The following NDE1 variants were observed in gnomAD, a reference collection of about 807,000 sequenced individuals.
The protein encoded by NDE1 is nuclear distribution protein nudE homolog 1.
NDE1 carries 28 observed loss-of-function variants against 43.4 expected under a neutral mutation model. That is an observed-to-expected ratio of 0.65 (90% CI 0.48 to 0.89). The LOEUF is 0.89. Ranked by LOEUF, NDE1 falls within the 40% of genes least tolerant of loss-of-function variation. NDE1 has a pLI of 0.00. For synonymous variants in NDE1, 184 were observed against 172.0 expected (o/e 1.07, Z -0.55); for missense variants, 441 against 434.1 (o/e 1.02, Z -0.14).
intron 1 of NDE1, 118 bp from the exon 2 acceptor site, chr16:15,664,618 G>A: frequency 1.5e-6 from 1 of 660,800 alleles, no homozygotes; most frequent in East Asian, 2.6e-5. Flanking sequence ...GCCTCCCAAA[G>A]TGCTGGGATT....
intron 1 of NDE1, among the ~76,000 whole-genome samples, chr16:15,658,445 GC>G (rs1416063805): frequency 6.6e-6 from 1 of 152,164 alleles, no homozygotes; most frequent in East Asian, 1.9e-4. Flanking sequence ...CGTGGGTTAG[GC>G]CCACCCATGA....
chr16:15,721,769 G>A, intron 8 of NDE1: 1 of 856,354 alleles, frequency 1.2e-6, no homozygotes, highest in East Asian at 2.6e-5. Flanking sequence ...TTAGCTATGG[G>A]AGTAATTTAT....
intron 8 of NDE1, chr16:15,718,580 C>T: frequency 2.4e-6 from 3 of 1,272,116 alleles, no homozygotes; most frequent in Non-Finnish European, 3.2e-6. Flanking sequence ...GAAGACTCAT[C>T]TGTAGTTACA....
chr16:15,716,936 T>G (rs112740726), intron 8 of NDE1, among the ~76,000 whole-genome samples: 25 of 152,226 alleles, frequency 1.6e-4, no homozygotes, highest in Non-Finnish European at 7.3e-5. Flanking sequence ...GCTCACACTT[T>G]AGGTGCTTGC....
At chr16:15,700,221 C>A in intron 8 of NDE1, 1 of 580,954 alleles carries the variant, frequency 1.7e-6, no homozygotes, top group Non-Finnish European at 2.2e-6. Flanking sequence ...CTGAGTCTTC[C>A]AGGTAGCTGG....
chr16:15,648,374 T>C (rs1431202211), upstream of NDE1, among the ~76,000 whole-genome samples: 1 of 152,196 alleles, frequency 6.6e-6, no homozygotes, highest in Non-Finnish European at 1.5e-5. Flanking sequence ...GAACATGTTA[T>C]GACAGGATGT....
At chr16:15,687,582 C>T in intron 5 of NDE1, 71 bp downstream of exon 5, 1 of 1,408,826 alleles carries the variant, frequency 7.1e-7, no homozygotes, top group Non-Finnish European at 1.0e-6. Flanking sequence ...GTCCCACAAG[C>T]TCTCCCAGCA....
intron 3 of NDE1, among the ~76,000 whole-genome samples, chr16:15,677,190 G>T (rs1239038533): frequency 6.6e-6 from 1 of 152,052 alleles, no homozygotes; most frequent in African/African-American, 2.4e-5. Context: ...AGAAGGTTCT[G>T]TTGACTGAGC....
At chr16:15,719,137 T>A in intron 8 of NDE1, 1 of 1,416,390 alleles carries the variant, frequency 7.1e-7, no homozygotes, top group East Asian at 2.3e-5. Flanking sequence ...CGAAAAAATT[T>A]AAAAAATAAA....
intron 3 of NDE1, 106 bp downstream of exon 3, chr16:15,667,545 A>C (rs1013885856): frequency 1.2e-5 from 16 of 1,376,386 alleles, no homozygotes; most frequent in Non-Finnish European, 1.6e-5. Flanking sequence ...TCCAGACCCC[A>C]GGCCCATGCT....
intron 4 of NDE1, chr16:15,684,344 G>A (rs11864366): frequency 1.3e-5 from 2 of 152,134 alleles, no homozygotes; most frequent in Admixed American, 1.3e-4. Flanking sequence ...TACAATCCCA[G>A]CACTTTGGGA....
Position 15,724,963 on chromosome 16 carries a change from A to C in NDE1, c.*712A>C. 1 of 1,614,028 alleles carries C rather than the reference A, an allele frequency of 6.2e-7. No individual in the cohort carries two copies. ...TAATGGCCTTCCCCTCGGCCTCGTT[A>C]AGCATCCCTGTGACGCTCTCAACTT... is the stretch of plus-strand genomic sequence containing the variant. On this transcript the variant is annotated 3_prime_UTR_variant, in exon 9 of 9. Coordinates refer to ENST00000396354, the MANE Select transcript of NDE1 (RefSeq NM_017668.3).
intron 4 of NDE1, among the ~76,000 whole-genome samples, chr16:15,682,957 G>A (rs1159854476): frequency 2.0e-5 from 3 of 151,766 alleles, no homozygotes; most frequent in African/African-American, 7.3e-5. Flanking sequence ...CCACCACCTC[G>A]GCCTCCCAAA....
At chr16:15,676,152 C>T (rs960362364) in intron 3 of NDE1, among the ~76,000 whole-genome samples, 4 of 151,196 alleles carry the variant, frequency 2.6e-5, no homozygotes, top group Non-Finnish European at 4.4e-5. Context: ...CTTCCTCTCT[C>T]CTCTCTCTCC....
At chr16:15,662,280 C>CTTTTTTTTTTTTTTTTTT (rs774915905) in intron 1 of NDE1, among the ~76,000 whole-genome samples, 1 of 124,960 alleles carries the variant, frequency 8.0e-6, no homozygotes, top group Non-Finnish European at 1.7e-5. Flanking sequence ...TTTCTCTTTT[C>CTTTTTTTTTTTTTTTTTT]TTTTTTTTTT....
At chr16:15,710,735 G>C (rs1273723004) in intron 8 of NDE1, among the ~76,000 whole-genome samples, 5 of 151,868 alleles carry the variant, frequency 3.3e-5, no homozygotes, top group Non-Finnish European at 7.4e-5. Context: ...GGAGTATAGA[G>C]GCTTGATCTT....
chr16:15,650,324 C>T (rs2036434050), intron 1 of NDE1, 30 bp downstream of exon 1: 4 of 251,972 alleles, frequency 1.6e-5, no homozygotes, highest in Admixed American at 5.5e-5. Flanking sequence ...GGGCTGGGGT[C>T]GGGGTGGCTG....
chr16:15,715,865 C>T (rs764885363), intron 8 of NDE1, among the ~76,000 whole-genome samples: 1 of 152,144 alleles, frequency 6.6e-6, no homozygotes, highest in Non-Finnish European at 1.5e-5. Context: ...GTGGCTCATG[C>T]CTGTAATCCC....
intron 4 of NDE1, among the ~76,000 whole-genome samples, chr16:15,685,400 C>T (rs1462686932): frequency 6.6e-6 from 1 of 151,958 alleles, no homozygotes; most frequent in Non-Finnish European, 1.5e-5. Flanking sequence ...ACTACAGGCA[C>T]GCATCATGCA....
Sources: allele counts gnomAD v4.1 joint callset (sites outside exome capture counted in the v4.1 genomes callset), GRCh38; gene constraint gnomAD v4.1.1; transcripts MANE v1.5; gene names NCBI Gene and HGNC (gene_info 2026-07-23, HGNC 2026-07-21).